ATR: variants seen among roughly 807,000 people sequenced by gnomAD.
ATR encodes the protein ATR checkpoint kinase.
A neutral mutation model predicts 305.3 loss-of-function variants in ATR; 142 were observed. The observed-to-expected ratio is 0.47, with a 90% confidence interval of 0.41 to 0.53. ATR has a LOEUF of 0.53. ATR is among the 20% of genes least tolerant of loss of function. The pLI is 0.00. For missense variants in ATR, 2,135 were observed against 3,133.1 expected, an observed-to-expected ratio of 0.68 and a Z score of 7.60; for synonymous variants, 1,050 against 1,068.1, an observed-to-expected ratio of 0.98 and a Z score of 0.33.
chr3:142,519,844 G>A (rs147409741), intron 23 of ATR, 60 bp from the exon 24 acceptor site: 31 of 1,198,930 alleles, frequency 2.6e-5, no homozygotes, highest in African/African-American at 4.5e-5. Context: ...CTTTATATTC[G>A]TCAATGTTCT....
intron 30 of ATR, among the ~76,000 whole-genome samples, chr3:142,501,201 T>C (rs1433813150): frequency 2.0e-5 from 3 of 152,170 alleles, no homozygotes; most frequent in Non-Finnish European, 4.4e-5. Context: ...GGAGGCTCTA[T>C]GTATCCCAGA....
At chr3:142,514,491 G>C (rs1271789678) in intron 25 of ATR, among the ~76,000 whole-genome samples, 2 of 151,456 alleles carry the variant, frequency 1.3e-5, no homozygotes, top group African/African-American at 4.8e-5. Context: ...AAAATTAGCC[G>C]GGCGTGGTGG....
chr3:142,459,141 C>A (rs868667144), intron 43 of ATR, 30 bp from the exon 44 acceptor site: 2 of 1,613,452 alleles, frequency 1.2e-6, no homozygotes. Context: ...TATGAAATAT[C>A]CATATACATA....
rs564228928 is a variant in ATR at position 142,496,647 on chromosome 3, T to C, written c.5739-127A>G. On this transcript the variant is annotated intron_variant, in intron 33 of 46. Coordinates refer to ENST00000350721, the MANE Select transcript of ATR (RefSeq NM_001184.4). ...GTTCCAATGTTTTGAAAGCCTCTGTTCCCAATACAGAACCTTCTTCATATA... is the reference window on the plus strand; with the variant it reads ...GTTCCAATGTTTTGAAAGCCTCTGTCCCCAATACAGAACCTTCTTCATATA... The C allele has an allele frequency of 6.2e-6, 6 of 962,068 alleles. No homozygotes were observed. In the South Asian group the frequency reaches 8.5e-5, roughly 14 times the overall value. 59.6% of individuals were successfully genotyped at this position (962,068 alleles called of 1,614,324 possible).
intron 33 of ATR, 35 bp from the exon 34 acceptor site, chr3:142,496,555 CA>C: frequency 6.3e-7 from 1 of 1,591,364 alleles, no homozygotes. Context: ...TGAGAGAGAC[CA>C]TTGGTAAGTG....
chr3:142,578,669 G>A lies in ATR; in HGVS notation c.36C>T (p.Ile12=), dbSNP rs768219456. The change falls in exon 1 of 47, where the codon ATC becomes ATT. Residue 12 remains isoleucine (I), a synonymous_variant. Transcript: ENST00000350721. ...GEHGLELASM[I]PALRELGSAT... Reference sequence around the variant, plus strand: ...ACCTGCCCAGCTCCCGCAGGGCGGGGATCATGGAAGCCAGCTCCAGGCCAT... The same window carrying A: ...ACCTGCCCAGCTCCCGCAGGGCGGGAATCATGGAAGCCAGCTCCAGGCCAT... 3.7e-6 allele frequency: 6 copies of A among 1,613,286 alleles called. No homozygotes were observed. In the African/African-American group the frequency reaches 5.3e-5, roughly 14 times the overall value.
At position 142,496,473 on chromosome 3, in the gene ATR, C is replaced by G. The variant is rs1387954667; in HGVS notation, c.5786G>C (p.Arg1929Thr). 3.1e-6 allele frequency: 5 copies of G among 1,612,394 alleles called. No individual in the cohort carries two copies. Among genetic ancestry groups the G allele is most frequent in the Non-Finnish European group, 4.2e-6 (5 of 1,179,618 alleles). The change falls in exon 34 of 47, where the codon AGG (arginine) becomes ACG (threonine). Residue 1929 changes from arginine (R) to threonine (T), a missense_variant. By Grantham distance (71) the Arg-to-Thr change is moderately conservative (BLOSUM62 -1). This residue lies in a region of ATR where 462 missense variants were observed against 887.6 expected (regional missense o/e 0.52). Coordinates refer to ENST00000350721, the MANE Select transcript of ATR (RefSeq NM_001184.4). The stretch of plus-strand genomic sequence containing the variant: ...GTGGTGACCAGCCTTTCTAGCTACC[C>G]TGGCACTCTGCAGCCAGCATTCTCC... ...MVGECWLQSARVARKAGHHQT... is the reference protein window; with the variant it reads ...MVGECWLQSATVARKAGHHQT...
At chr3:142,558,875 T>C in intron 7 of ATR, 99 bp from the exon 8 acceptor site, 2 of 1,241,084 alleles carry the variant, frequency 1.6e-6, no homozygotes, top group Non-Finnish European at 2.3e-6. Context: ...ATAATGATCA[T>C]TGGATAAGCA....
chr3:142,470,002 GA>G (rs2071222812), intron 37 of ATR, 83 bp downstream of exon 37: 1 of 1,047,722 alleles, frequency 9.5e-7, no homozygotes, highest in South Asian at 1.4e-5. Context: ...AAGCTTCTAG[GA>G]AATTAGACTG....
chr3:142,538,715 A>C, intron 18 of ATR, 90 bp from the exon 19 acceptor site: 1 of 1,481,544 alleles, frequency 6.7e-7, no homozygotes, highest in Non-Finnish European at 9.3e-7. Context: ...GACACATGAT[A>C]TATACAAACA....
chr3:142,502,610 T>A (rs762395776), intron 30 of ATR, among the ~76,000 whole-genome samples: 7 of 152,052 alleles, frequency 4.6e-5, no homozygotes, highest in Non-Finnish European at 1.0e-4. Flanking sequence ...ACCCTCAGAA[T>A]CTAAAATAAA....
intron 36 of ATR, among the ~76,000 whole-genome samples, chr3:142,481,489 T>C (rs367870368): frequency 6.6e-6 from 1 of 152,236 alleles, no homozygotes; most frequent in South Asian, 2.1e-4. Flanking sequence ...CAGACTTTTG[T>C]AGCAATTCAA....
Position 142,519,717 on chromosome 3 carries a change from C to G in ATR, c.4334G>C (p.Arg1445Thr). ...TNGPGHQLWR[R>T]FPEHVREILE... ...TATTTCCCGAACATGCTCAGGAAAT[C>G]TCCTCCACAATTGGTGACCTGGGCC... Residue 1445 changes from arginine (R) to threonine (T), a missense_variant, in exon 24 of 47, where the codon AGA becomes ACA. Coordinates refer to ENST00000350721, the MANE Select transcript of ATR (RefSeq NM_001184.4). 6.2e-7 allele frequency: 1 copy of G among 1,614,128 alleles called. No individual in the cohort carries two copies. The highest frequency in any genetic ancestry group is 8.5e-7 in the Non-Finnish European group (1 of 1,179,992).
In ATR at chr3:142,503,232, C is replaced by T. The variant is rs11916455; in HGVS notation, c.5288+130G>A. ...ACTTGAGGAAAAAAAAATGTTGGTGCTTATCTCCAATACCATGAAAACACA... is the reference window on the plus strand; with the variant it reads ...ACTTGAGGAAAAAAAAATGTTGGTGTTTATCTCCAATACCATGAAAACACA... On this transcript the variant is annotated intron_variant, in intron 30 of 46. Transcript: ENST00000350721. 230,336 of 632,804 alleles carry T rather than the reference C, an allele frequency of 0.36. 44,149 individuals carry two copies. Among genetic ancestry groups the T allele is most frequent in the Non-Finnish European group, 0.4 (148,472 of 370,370 alleles). The allele number at this position is 632,804 out of a possible 1,614,324, so 39.2% of individuals were successfully genotyped here.
intron 23 of ATR, among the ~76,000 whole-genome samples, chr3:142,520,254 T>C (rs867763601): frequency 1.3e-4 from 20 of 152,250 alleles, no homozygotes; most frequent in African/African-American, 4.8e-4. Flanking sequence ...GGACTTCATA[T>C]TTCCAAAGAC....
intron 30 of ATR, among the ~76,000 whole-genome samples, chr3:142,501,291 C>CGT (rs2031950078): frequency 6.6e-6 from 1 of 151,718 alleles, no homozygotes; most frequent in African/African-American, 2.4e-5. Context: ...AGCCATGACT[C>CGT]TCCCAAATCC....
At chr3:142,457,020 T>G (rs781290614) in intron 45 of ATR, among the ~76,000 whole-genome samples, 2 of 152,204 alleles carry the variant, frequency 1.3e-5, no homozygotes, top group African/African-American at 2.4e-5. Context: ...AGCCACACTA[T>G]TTATAATACA....
At chr3:142,563,236 C>T in intron 3 of ATR, 127 bp from the exon 4 acceptor site, 1 of 972,498 alleles carries the variant, frequency 1.0e-6, no homozygotes, top group Non-Finnish European at 1.5e-6. Flanking sequence ...ACATTCTCTT[C>T]ACAATGGAAA....
chr3:142,555,855 T>A, intron 10 of ATR, 22 bp downstream of exon 10: 1 of 1,595,734 alleles, frequency 6.3e-7, no homozygotes, highest in Non-Finnish European at 8.5e-7. Context: ...TTTAAAGTAT[T>A]AAATAAGTCA....
Sources: allele counts gnomAD v4.1 joint callset (sites outside exome capture counted in the v4.1 genomes callset), GRCh38; gene constraint gnomAD v4.1.1; regional missense constraint gnomAD v4.1.1; transcripts MANE v1.5; gene names NCBI Gene and HGNC (gene_info 2026-07-23, HGNC 2026-07-21).